OSBP: variants seen among roughly 807,000 people sequenced by gnomAD.
OSBP encodes oxysterol-binding protein 1.
Under a neutral mutation model 96.6 loss-of-function variants are expected in OSBP, and 32 were observed. The observed-to-expected ratio is 0.33, with a 90% confidence interval of 0.25 to 0.45. The LOEUF (loss-of-function observed/expected upper bound fraction) is 0.45. Among genes scored for constraint, OSBP ranks in the 20% least tolerant of loss-of-function variants. OSBP has a pLI of 1.00. For synonymous variants in OSBP, 369 were observed against 389.6 expected (o/e 0.95, Z 0.62); for missense variants, 653 against 1,029.7 (o/e 0.63, Z 5.01).
chr11:59,611,455 G>A (rs982111580), intron 1 of OSBP, among the ~76,000 whole-genome samples: 6 of 152,050 alleles, frequency 3.9e-5, no homozygotes, highest in African/African-American at 1.2e-4. Flanking sequence ...TCTCGCTCCC[G>A]ACTGTAACTC....
intron 3 of OSBP, among the ~76,000 whole-genome samples, chr11:59,602,775 C>T (rs1159900023): frequency 6.6e-6 from 1 of 152,178 alleles, no homozygotes; most frequent in Non-Finnish European, 1.5e-5. Context: ...TTATGTACCA[C>T]CATGGCCGAC....
chr11:59,604,500 G>A (rs1223734865), intron 3 of OSBP, among the ~76,000 whole-genome samples: 1 of 152,052 alleles, frequency 6.6e-6, no homozygotes, highest in Non-Finnish European at 1.5e-5. Flanking sequence ...TTAGGTGTCC[G>A]AGACCAGCCT....
chr11:59,603,800 T>C lies in OSBP; in HGVS notation c.823-1962A>G, dbSNP rs991602554. Among the ~76,000 whole-genome samples the C allele has an allele frequency of 6.6e-5, 10 of 152,212 alleles. No individual in the cohort carries two copies. In the South Asian group the frequency reaches 2.1e-3, roughly 32 times the overall value. ...TGATCCACACCTGGGACTACAGGTG[T>C]GAGGCACCACACCCAGCCTCATCAG... On this transcript the variant is annotated intron_variant, in intron 3 of 13. Coordinates refer to ENST00000263847, the MANE Select transcript of OSBP (RefSeq NM_002556.3).
intron 9 of OSBP, among the ~76,000 whole-genome samples, chr11:59,584,539 A>C (rs1860470071): frequency 6.6e-6 from 1 of 152,216 alleles, no homozygotes. Flanking sequence ...AGGGCGAAAA[A>C]ACACATGATC....
chr11:59,597,024 A>G (rs1860667521), intron 7 of OSBP, among the ~76,000 whole-genome samples: 3 of 152,168 alleles, frequency 2.0e-5, no homozygotes, highest in Non-Finnish European at 2.9e-5. Flanking sequence ...AACTAATGGT[A>G]AAGGAGGACA....
At chr11:59,591,006 T>C (rs919716297) in intron 9 of OSBP, among the ~76,000 whole-genome samples, 2 of 152,260 alleles carry the variant, frequency 1.3e-5, no homozygotes, top group African/African-American at 4.8e-5. Flanking sequence ...CTGAGAACGA[T>C]GCCCGCCATG....
intron 9 of OSBP, among the ~76,000 whole-genome samples, chr11:59,584,705 T>C (rs1042860824): frequency 6.6e-6 from 1 of 152,130 alleles, no homozygotes; most frequent in Non-Finnish European, 1.5e-5. Context: ...GTGAAACACT[T>C]AAAGACTTTC....
intron 2 of OSBP, 24 bp from the exon 3 acceptor site, chr11:59,608,758 A>T: frequency 6.2e-7 from 1 of 1,612,852 alleles, no homozygotes; most frequent in East Asian, 2.2e-5. Context: ...AAGAAAGGTT[A>T]TATGATTCCA....
chr11:59,578,325 C>T lies in OSBP; in HGVS notation c.1884G>A (p.Thr628=), dbSNP rs764803266. 9 of 1,613,848 alleles carry T rather than the reference C, an allele frequency of 5.6e-6. No homozygotes were observed. Among genetic ancestry groups the T allele is most frequent in the South Asian group, 4.4e-5 (4 of 91,038 alleles). The part of the protein sequence containing the change: ...YFSRDVARKV[T]GEVTDPSGKV... ...TTCCTGATGGATCTGTCACTTCCCC[C>T]GTCACCTGCAAGGGTGGAGAACAGG... is the stretch of plus-strand genomic sequence containing the variant. Residue 628 remains threonine, a synonymous_variant, in exon 12 of 14, where the codon ACG becomes ACA. Transcript: ENST00000263847.
Position 59,607,527 on chromosome 11 carries a change from A to G in OSBP, c.822+957T>C, listed in dbSNP as rs182003397. Among the ~76,000 whole-genome samples, 154 of 152,240 alleles carry G rather than the reference A, an allele frequency of 1.0e-3. 1 individual carries two copies. The highest frequency in any genetic ancestry group is 3.0e-3 in the African/African-American group (126 of 41,534). On this transcript the variant is annotated intron_variant, in intron 3 of 13. Transcript: ENST00000263847. ...AGAAAAACGATACTTTCCCATGGTCATGGGAAAGTCTGGCACTAGAGAGGT... is the reference window on the plus strand; with the variant it reads ...AGAAAAACGATACTTTCCCATGGTCGTGGGAAAGTCTGGCACTAGAGAGGT...
chr11:59,601,217 G>T, intron 5 of OSBP, 66 bp downstream of exon 5: 1 of 913,354 alleles, frequency 1.1e-6, no homozygotes, highest in Non-Finnish European at 1.8e-6. Context: ...AAAATATGAT[G>T]CTAAAATACC....
chr11:59,615,593 G>A lies in OSBP; in HGVS notation c.72C>T (p.Gly24=), dbSNP rs1425037224. The A allele has an allele frequency of 1.5e-6, 2 of 1,371,854 alleles. No homozygotes were observed. The highest frequency in any genetic ancestry group is 9.4e-7 in the Non-Finnish European group (1 of 1,058,840). 85.0% of individuals were successfully genotyped at this position (1,371,854 alleles called of 1,614,324 possible). The change falls in exon 1 of 14, where the codon GGC becomes GGT. Residue 24 remains glycine, a synonymous_variant. Coordinates refer to ENST00000263847, the MANE Select transcript of OSBP (RefSeq NM_002556.3). ...CTCCTCCCACCACTGGGGGACCGGC[G>A]CCGCCGCCGCCAAGTGCTGCAATGG... ...PAAIAALGGG[G]AGPPVVGGGG... is the part of the protein sequence containing the mutation.
At chr11:59,579,344 T>A (rs1860393831) in intron 11 of OSBP, among the ~76,000 whole-genome samples, 1 of 151,778 alleles carries the variant, frequency 6.6e-6, no homozygotes, top group Admixed American at 6.6e-5. Flanking sequence ...TCTTTTTTTT[T>A]TTTTTTGAGA....
chr11:59,614,792 C>T (rs1860900705), intron 1 of OSBP, among the ~76,000 whole-genome samples: 1 of 152,164 alleles, frequency 6.6e-6, no homozygotes, highest in African/African-American at 2.4e-5. Context: ...GTGTGTGATG[C>T]CCTTATGTCT....
chr11:59,595,996 T>TAAAA (rs1182423717), intron 7 of OSBP, among the ~76,000 whole-genome samples: 22 of 141,644 alleles, frequency 1.6e-4, no homozygotes, highest in East Asian at 4.2e-4. Context: ...AATAAATAAA[T>TAAAA]AAAATTCATA....
At chr11:59,596,700 A>G (rs1196215647) in intron 7 of OSBP, among the ~76,000 whole-genome samples, 3 of 152,078 alleles carry the variant, frequency 2.0e-5, no homozygotes, top group African/African-American at 7.2e-5. Flanking sequence ...TGGGGGTCCA[A>G]GAGAGGAGGA....
Position 59,615,352 on chromosome 11 carries a change from A to G in OSBP, c.313T>C (p.Tyr105His). ...LFKWTNYIKG[Y>H]QRRWFVLSNG... ...CTCAGCACGAACCATCGCCGCTGGT[A>G]GCCTTTGATATAATTGGTCCATTTG... is the stretch of plus-strand genomic sequence containing the variant. Residue 105 changes from tyrosine to histidine, a missense_variant, in exon 1 of 14, where the codon TAC (tyrosine) becomes CAC (histidine). By Grantham distance (83) the Tyr-to-His change is moderately conservative. This residue lies in a region of OSBP where 308 missense variants were observed against 573.1 expected (regional missense o/e 0.54). Transcript: ENST00000263847. 6.2e-7 allele frequency: 1 copy of G among 1,607,258 alleles called. No homozygotes were observed. Among genetic ancestry groups the G allele is most frequent in the South Asian group, 1.1e-5 (1 of 90,208 alleles).
intron 3 of OSBP, among the ~76,000 whole-genome samples, chr11:59,608,158 A>C (rs1860806190): frequency 1.3e-5 from 2 of 148,348 alleles, no homozygotes; most frequent in African/African-American, 2.5e-5. Flanking sequence ...TACATACATA[A>C]AATCACGACC....
intron 7 of OSBP, among the ~76,000 whole-genome samples, chr11:59,597,621 C>T (rs57702480): frequency 6.6e-6 from 1 of 152,232 alleles, no homozygotes; most frequent in East Asian, 1.9e-4. Context: ...CTCACTGCAG[C>T]CTCAACCTCC....
Sources: gnomAD v4.1 joint callset for allele counts (sites outside exome capture counted in the v4.1 genomes callset) on GRCh38, gnomAD v4.1.1 for gene constraint, gnomAD v4.1.1 regional missense constraint, MANE v1.5 for transcripts, NCBI Gene and HGNC (gene_info 2026-07-23, HGNC 2026-07-21) for gene names.